Variants in ASTN1 observed in about 807,000 individuals in gnomAD.
ASTN1 encodes the protein astrotactin-1.
In ASTN1, 41 loss-of-function variants were observed where a neutral mutation model predicts 140.7. That is an observed-to-expected ratio of 0.29 (90% confidence interval 0.23 to 0.38). The LOEUF is 0.38. ASTN1 is among the 10% of genes least tolerant of loss of function. ASTN1 has a pLI of 1.00. For synonymous variants in ASTN1, 640 were observed against 652.2 expected (o/e 0.98, Z 0.29); for missense variants, 1,479 against 1,678.8 (o/e 0.88, Z 2.08).
chr1:177,099,303 C>T (rs918677965), intron 1 of ASTN1, among the ~76,000 whole-genome samples: 10 of 151,970 alleles, frequency 6.6e-5, no homozygotes, highest in African/African-American at 1.7e-4. Flanking sequence ...TACATCAATA[C>T]ATAATCTTTT....
intron 1 of ASTN1, among the ~76,000 whole-genome samples, chr1:177,104,811 T>C (rs1680475209): frequency 6.6e-6 from 1 of 152,166 alleles, no homozygotes; most frequent in African/African-American, 2.4e-5. Flanking sequence ...TCCTCCTTCT[T>C]CTATCAGTAA....
At chr1:177,118,911 C>G (rs999749215) in intron 1 of ASTN1, among the ~76,000 whole-genome samples, 1 of 152,120 alleles carries the variant, frequency 6.6e-6, no homozygotes, top group African/African-American at 2.4e-5. Flanking sequence ...CTTGGGAACA[C>G]GTCAAGAAAC....
downstream of ASTN1, chr1:176,857,486 T>C (rs1479661261): frequency 4.8e-6 from 2 of 418,832 alleles, no homozygotes; most frequent in Non-Finnish European, 8.6e-6. Flanking sequence ...AGGGCGCAGC[T>C]CCTGCTTTGA....
intron 1 of ASTN1, among the ~76,000 whole-genome samples, chr1:177,136,190 A>G (rs1682186005): frequency 6.6e-6 from 1 of 151,862 alleles, no homozygotes; most frequent in Non-Finnish European, 1.5e-5. Context: ...CTTTGTGGCT[A>G]CTCTCCTGTG....
rs2281180 is a variant in ASTN1 at position 176,894,700 on chromosome 1, G to C, written c.2802C>G (p.His934Gln). Residue 934 changes from histidine (H) to glutamine (Q), a missense_variant, in exon 17 of 23, where the codon CAC becomes CAG. By Grantham distance (24) the His-to-Gln change is conservative. Coordinates refer to ENST00000361833, the MANE Select transcript of ASTN1 (RefSeq NM_004319.3). The stretch of plus-strand genomic sequence containing the variant: ...AGGACGAGGGGCATCGTCCCTTGCT[G>C]TGGCACTCCATGCGGACTCCAGCCG... Reference protein sequence around the residue: ...HMAAGVRMECHSKGRCPSSCP... With the variant: ...HMAAGVRMECQSKGRCPSSCP... The C allele has an allele frequency of 0.83, 1,339,855 of 1,613,988 alleles. 557,073 individuals carry two copies. The highest frequency in any genetic ancestry group is 0.91 in the Middle Eastern group (5,546 of 6,062).
chr1:176,921,436 CA>C (rs1328993482), intron 16 of ASTN1, among the ~76,000 whole-genome samples: 6 of 152,190 alleles, frequency 3.9e-5, no homozygotes, highest in Non-Finnish European at 1.5e-5. Flanking sequence ...TCAGTTTAAA[CA>C]CAGGTTGCAT....
In ASTN1 at chr1:177,024,644, G is replaced by A. The variant is rs1293207839; in HGVS notation, c.1209C>T (p.His403=). 12 of 1,613,948 alleles carry A rather than the reference G, an allele frequency of 7.4e-6. No individual in the cohort carries two copies. The highest frequency in any genetic ancestry group is 2.2e-5 in the East Asian group (1 of 44,870). ...SCVIGLVCSS[H]VNCPLVVKIT... Reference sequence around the variant, plus strand: ...TCTTGACAACGAGAGGGCAGTTGACGTGAGAGGAGCACACGAGGCCAATCA... The same window carrying A: ...TCTTGACAACGAGAGGGCAGTTGACATGAGAGGAGCACACGAGGCCAATCA... The change falls in exon 6 of 23, where the codon CAC becomes CAT. Residue 403 remains histidine (H), a synonymous_variant. Transcript: ENST00000361833.
At chr1:176,875,002 G>A (rs1668503275) in intron 21 of ASTN1, among the ~76,000 whole-genome samples, 2 of 152,134 alleles carry the variant, frequency 1.3e-5, no homozygotes, top group Non-Finnish European at 2.9e-5. Context: ...CTCTCATGGA[G>A]CTCACTGTCT....
intron 1 of ASTN1, among the ~76,000 whole-genome samples, chr1:177,074,102 C>G (rs1342824895): frequency 6.6e-6 from 1 of 152,022 alleles, no homozygotes; most frequent in Non-Finnish European, 1.5e-5. Flanking sequence ...TTAATGAACT[C>G]TAAGTTATTT....
intron 7 of ASTN1, among the ~76,000 whole-genome samples, chr1:177,018,835 C>T (rs1308927553): frequency 6.6e-6 from 1 of 152,178 alleles, no homozygotes; most frequent in Non-Finnish European, 1.5e-5. Flanking sequence ...CCTTGCAAAG[C>T]GCAGGGAAAG....
At chr1:177,013,086 C>G (rs927665675) in intron 8 of ASTN1, among the ~76,000 whole-genome samples, 1 of 152,174 alleles carries the variant, frequency 6.6e-6, no homozygotes, top group Non-Finnish European at 1.5e-5. Flanking sequence ...CACTGCACAT[C>G]TATCAGCCAA....
chr1:177,007,852 C>G (rs1389552712), intron 8 of ASTN1, among the ~76,000 whole-genome samples: 1 of 152,236 alleles, frequency 6.6e-6, no homozygotes, highest in African/African-American at 2.4e-5. Flanking sequence ...AAGTACCCAT[C>G]TGGACAGATG....
Position 176,889,992 on chromosome 1 carries a change from T to A in ASTN1, c.2941-1788A>T, listed in dbSNP as rs554635157. ...CTAGGAAAACAGATGTCCTTTGAGA[T>A]AGGTAGAATAAAGGCAACATTGTGA... On this transcript the variant is annotated intron_variant, in intron 17 of 22. Coordinates refer to ENST00000361833, the MANE Select transcript of ASTN1 (RefSeq NM_004319.3). Among the ~76,000 whole-genome samples, 4 of 152,310 alleles carry A rather than the reference T, an allele frequency of 2.6e-5. No individual in the cohort carries two copies. In the South Asian group the frequency reaches 8.3e-4, roughly 32 times the overall value.
chr1:177,131,388 C>T (rs1377979102), intron 1 of ASTN1, among the ~76,000 whole-genome samples: 2 of 152,110 alleles, frequency 1.3e-5, no homozygotes, highest in African/African-American at 2.4e-5. Flanking sequence ...CAATAGAATA[C>T]TTAACATCCA....
chr1:177,049,240 C>A (rs1385954726), intron 2 of ASTN1, among the ~76,000 whole-genome samples: 1 of 152,142 alleles, frequency 6.6e-6, no homozygotes, highest in African/African-American at 2.4e-5. Context: ...CATAGCCCAC[C>A]TATGTGCTCC....
chr1:176,917,827 A>G (rs1670554493), intron 16 of ASTN1, among the ~76,000 whole-genome samples: 2 of 152,202 alleles, frequency 1.3e-5, no homozygotes, highest in Non-Finnish European at 2.9e-5. Context: ...GCCCTTCAGG[A>G]CTGGGCACAA....
intron 1 of ASTN1, among the ~76,000 whole-genome samples, chr1:177,116,236 C>T (rs1350691189): frequency 1.3e-5 from 2 of 152,128 alleles, no homozygotes; most frequent in East Asian, 3.8e-4. Flanking sequence ...AGCTCTGTTT[C>T]TATGGCCAGA....
At chr1:176,962,327 A>G (rs1672699288) in intron 9 of ASTN1, among the ~76,000 whole-genome samples, 1 of 152,146 alleles carries the variant, frequency 6.6e-6, no homozygotes, top group South Asian at 2.1e-4. Context: ...GCCCTTCCCA[A>G]GTTATTTGGG....
chr1:176,859,988 G>C (rs1667917143), downstream of ASTN1, among the ~76,000 whole-genome samples: 1 of 152,106 alleles, frequency 6.6e-6, no homozygotes, highest in Non-Finnish European at 1.5e-5. Context: ...TCATTCACCT[G>C]TTTGGTTCTT....
Sources: allele counts gnomAD v4.1 joint callset (sites outside exome capture counted in the v4.1 genomes callset), GRCh38; gene constraint gnomAD v4.1.1; transcripts MANE v1.5; gene names NCBI Gene and HGNC (gene_info 2026-07-23, HGNC 2026-07-21).